SRD5A3: variants seen among roughly 807,000 people sequenced by gnomAD.
SRD5A3 encodes polyprenal reductase.
Under a neutral mutation model 34.3 loss-of-function variants are expected in SRD5A3, and 24 were observed. The ratio of observed to expected loss-of-function variants is 0.70; its 90% CI spans 0.51 to 0.99. The LOEUF (loss-of-function observed/expected upper bound fraction) is 0.99. Among genes scored for constraint, SRD5A3 ranks in the 50% least tolerant of loss-of-function variants. The pLI is 0.00. For missense variants in SRD5A3, 350 were observed against 388.2 expected (o/e 0.90, Z 0.83); for synonymous variants, 161 against 167.3 (o/e 0.96, Z 0.29).
At chr4:55,353,552 G>C (rs1310992823) in intron 1 of SRD5A3, among the ~76,000 whole-genome samples, 1 of 152,226 alleles carries the variant, frequency 6.6e-6, no homozygotes, top group African/African-American at 2.4e-5. Flanking sequence ...CTTCTACCCT[G>C]TGGAGGCTGT....
intron 2 of SRD5A3, 132 bp downstream of exon 2, chr4:55,359,620 G>T: frequency 1.6e-6 from 2 of 1,217,176 alleles, no homozygotes; most frequent in South Asian, 1.4e-5. Flanking sequence ...GGAGGATGAG[G>T]GCAAAAAAGA....
chr4:55,351,320 C>T (rs1380167449), intron 1 of SRD5A3, among the ~76,000 whole-genome samples: 1 of 152,128 alleles, frequency 6.6e-6, no homozygotes, highest in Non-Finnish European at 1.5e-5. Context: ...GATCCACCCA[C>T]CTCGGCCTCC....
At chr4:55,355,906 C>T (rs747737998) in intron 1 of SRD5A3, among the ~76,000 whole-genome samples, 12 of 151,902 alleles carry the variant, frequency 7.9e-5, no homozygotes, top group Non-Finnish European at 1.3e-4. Flanking sequence ...ACCCCTTACC[C>T]GCACAACTAG....
Position 55,370,161 on chromosome 4 carries a change from C to A in SRD5A3, c.*70C>A. The A allele has an allele frequency of 6.3e-7, 1 of 1,591,298 alleles. No homozygotes were observed. Among genetic ancestry groups the A allele is most frequent in the South Asian group, 1.1e-5 (1 of 90,324 alleles). ...TGCCTAAGGACAGTGAAGTCTGGAG[C>A]CCAAAGTACAGTTTCAGCAAAGCTG... On this transcript the variant is annotated 3_prime_UTR_variant, in exon 5 of 5. Transcript: ENST00000264228.
At position 55,370,395 on chromosome 4, in the gene SRD5A3, C is replaced by A; in HGVS notation, c.*304C>A. On this transcript the variant is annotated 3_prime_UTR_variant, in exon 5 of 5. Transcript: ENST00000264228. ...AGACTTCTCCAAGCTGCTTCACAAG[C>A]AAACTAACCGAAAAACCGAAAATAT... 1 of 393,314 alleles carries A rather than the reference C, an allele frequency of 2.5e-6. No homozygotes were observed. 24.4% of individuals were successfully genotyped at this position (393,314 alleles called of 1,614,324 possible).
chr4:55,349,087 C>T (rs757938497), intron 1 of SRD5A3, among the ~76,000 whole-genome samples: 20 of 152,082 alleles, frequency 1.3e-4, no homozygotes, highest in Non-Finnish European at 2.1e-4. Context: ...CAGGCTGGAA[C>T]GTAGTGGCTC....
rs1183795285 is a variant in SRD5A3 at position 55,372,989 on chromosome 4, A to G, written c.*2898A>G. On this transcript the variant is annotated 3_prime_UTR_variant, in exon 5 of 5. Coordinates refer to ENST00000264228, the MANE Select transcript of SRD5A3 (RefSeq NM_024592.5). ...TTTGTATGTAGCTTAATAGATATTTAGTTTAAGGAGACTGCAACATTTGCA... is the reference window on the plus strand; with the variant it reads ...TTTGTATGTAGCTTAATAGATATTTGGTTTAAGGAGACTGCAACATTTGCA... 6.6e-6 allele frequency: 1 copy of G among 152,094 alleles called. No homozygotes were observed. Among genetic ancestry groups the G allele is most frequent in the South Asian group, 2.1e-4 (1 of 4,824 alleles). 9.4% of individuals were successfully genotyped at this position (152,094 alleles called of 1,614,324 possible).
In SRD5A3 at chr4:55,370,348, A is replaced by G. The variant is rs930236522; in HGVS notation, c.*257A>G. The G allele has an allele frequency of 1.9e-6, 1 of 524,702 alleles. No individual in the cohort carries two copies. Among genetic ancestry groups the G allele is most frequent in the South Asian group, 2.1e-5 (1 of 46,688 alleles). The allele number at this position is 524,702 out of a possible 1,614,324, so 32.5% of individuals were successfully genotyped here. A position where few individuals can be genotyped will look rare whatever the true frequency, so the allele number is the denominator to read the frequency against. ...CTTTCTGAGATGCTTTCTAAAACCA[A>G]CCAACTGATAAAAAGTAGATGAGAC... On this transcript the variant is annotated 3_prime_UTR_variant, in exon 5 of 5. Coordinates refer to ENST00000264228, the MANE Select transcript of SRD5A3 (RefSeq NM_024592.5).
At chr4:55,352,197 A>G (rs747442828) in intron 1 of SRD5A3, 81 of 952,428 alleles carry the variant, frequency 8.5e-5, no homozygotes, top group Middle Eastern at 4.4e-4. Context: ...GTTGGTATCA[A>G]TGAGGATGTG....
intron 1 of SRD5A3, among the ~76,000 whole-genome samples, chr4:55,358,265 C>T (rs1578205991): frequency 6.6e-6 from 1 of 152,086 alleles, no homozygotes; most frequent in Non-Finnish European, 1.5e-5. Context: ...CATGGTGGCT[C>T]ACACCTGTAA....
In SRD5A3 at chr4:55,346,544, G is replaced by C; in HGVS notation, c.208G>C (p.Asp70His). The C allele has an allele frequency of 6.3e-7, 1 of 1,597,128 alleles. No homozygotes were observed. The highest frequency in any genetic ancestry group is 8.5e-7 in the Non-Finnish European group (1 of 1,172,876). ...GCGCCCCGCCGCCTGCCGAGCCTTTGATGTCCCCAAGAGGTAACCGCGCCC... is the reference window on the plus strand; with the variant it reads ...GCGCCCCGCCGCCTGCCGAGCCTTTCATGTCCCCAAGAGGTAACCGCGCCC... Reference protein sequence around the residue: ...PSRPAACRAFDVPKRYFSHFY... With the variant: ...PSRPAACRAFHVPKRYFSHFY... The change falls in exon 1 of 5, where the codon GAT becomes CAT. Residue 70 changes from aspartate (D) to histidine (H), a missense_variant. Asp to His is a moderately conservative substitution (Grantham distance 81, BLOSUM62 -1). Around this residue, in one of 3 missense-constraint regions of SRD5A3, gnomAD observed 159 missense variants for 149.1 expected, o/e 1.07. Transcript: ENST00000264228.
rs1231960893 is a variant in SRD5A3, at chr4:55,369,827, T to A, written c.698-5T>A. 1 of 1,614,174 alleles carries A rather than the reference T, an allele frequency of 6.2e-7. No individual in the cohort carries two copies. Among genetic ancestry groups the A allele is most frequent in the Admixed American group, 1.7e-5 (1 of 60,024 alleles). On this transcript the variant is annotated splice_polypyrimidine_tract_variant and splice_region_variant and intron_variant, in intron 4 of 4. Coordinates refer to ENST00000264228, the MANE Select transcript of SRD5A3 (RefSeq NM_024592.5). ...TGCTTATGAGATCTTCTTTTACCCT[T>A]TCAGGAGTGGTCATTCACTGTAACC...
chr4:55,351,922 C>T, intron 1 of SRD5A3: 1 of 696,946 alleles, frequency 1.4e-6, no homozygotes, highest in South Asian at 1.4e-5. Flanking sequence ...CTTTTAAGGT[C>T]CTGGTCAACT....
chr4:55,370,879 C>T lies in SRD5A3; in HGVS notation c.*788C>T, dbSNP rs1241244783. 4.6e-5 allele frequency: 7 copies of T among 152,074 alleles called. No individual in the cohort carries two copies. The highest frequency in any genetic ancestry group is 1.0e-4 in the Non-Finnish European group (7 of 68,020). The allele number at this position is 152,074 out of a possible 1,614,324, so 9.4% of individuals were successfully genotyped here. A position where few individuals can be genotyped will look rare whatever the true frequency, so the allele number is the denominator to read the frequency against. The stretch of plus-strand genomic sequence containing the variant: ...GCCTGGCCTGGGCAACAGAGCAAGA[C>T]CCTGTCTCAAAATAATAATAATATA... On this transcript the variant is annotated 3_prime_UTR_variant, in exon 5 of 5. Transcript: ENST00000264228.
chr4:55,363,939 TG>T (rs1403641357), intron 2 of SRD5A3, 134 bp from the exon 3 acceptor site: 4 of 878,334 alleles, frequency 4.6e-6, no homozygotes, highest in Non-Finnish European at 5.7e-6. Flanking sequence ...TGACTTCATT[TG>T]GCCCATTTCT....
Position 55,370,422 on chromosome 4 carries a change from C to A in SRD5A3, c.*331C>A. The stretch of plus-strand genomic sequence containing the variant: ...AACTAACCGAAAAACCGAAAATATA[C>A]AAACAGCTTCACACACACACACACA... On this transcript the variant is annotated 3_prime_UTR_variant, in exon 5 of 5. Coordinates refer to ENST00000264228, the MANE Select transcript of SRD5A3 (RefSeq NM_024592.5). 2.9e-6 allele frequency: 1 copy of A among 341,448 alleles called. No homozygotes were observed. The highest frequency in any genetic ancestry group is 7.2e-5 in the East Asian group (1 of 13,894). 21.2% of individuals were successfully genotyped at this position (341,448 alleles called of 1,614,324 possible). A position where few individuals can be genotyped will look rare whatever the true frequency, so the allele number is the denominator to read the frequency against.
chr4:55,364,339 C>G, intron 3 of SRD5A3, 68 bp downstream of exon 3: 1 of 1,521,138 alleles, frequency 6.6e-7, no homozygotes, highest in Non-Finnish European at 9.1e-7. Context: ...GGGGCTTGTG[C>G]TGTGCTAAGC....
rs200677326 is a variant in SRD5A3 at position 55,359,475 on chromosome 4, G to A, written c.351G>A (p.Ala117=). ...ATGGTTTGCTCAGAATTCTCGGGGC[G>A]GCACAGTTCCAGGGTAAGGACTCCC... ...WLHGLLRILG[A]AQFQGGELAL... Residue 117 remains alanine (A), a synonymous_variant, in exon 2 of 5, where the codon GCG becomes GCA. Coordinates refer to ENST00000264228, the MANE Select transcript of SRD5A3 (RefSeq NM_024592.5). 45 of 1,613,806 alleles carry A rather than the reference G, an allele frequency of 2.8e-5. No individual in the cohort carries two copies. Among genetic ancestry groups the A allele is most frequent in the Middle Eastern group, 3.3e-4 (2 of 6,084 alleles).
intron 2 of SRD5A3, among the ~76,000 whole-genome samples, chr4:55,359,995 A>T (rs1019693967): frequency 2.7e-5 from 4 of 148,886 alleles, no homozygotes; most frequent in Admixed American, 2.7e-4. Context: ...GGCAGATCAC[A>T]AGGTCAGGAG....
Sources: gnomAD v4.1 joint callset for allele counts (sites outside exome capture counted in the v4.1 genomes callset) on GRCh38, gnomAD v4.1.1 for gene constraint, gnomAD v4.1.1 regional missense constraint, MANE v1.5 for transcripts, NCBI Gene and HGNC (gene_info 2026-07-23, HGNC 2026-07-21) for gene names.